The following TMEM132D variants were observed in gnomAD, a reference collection of about 807,000 sequenced individuals.
The protein encoded by TMEM132D is mature OL transmembrane protein.
TMEM132D carries 21 observed loss-of-function variants against 62.3 expected under a neutral mutation model. That is an observed-to-expected ratio of 0.34 (90% CI 0.24 to 0.49). The LOEUF is 0.49. Among genes scored for constraint, TMEM132D ranks in the 20% least tolerant of loss-of-function variants. TMEM132D has a pLI of 0.99. For missense variants in TMEM132D, 1,346 were observed against 1,402.8 expected, an observed-to-expected ratio of 0.96 and a Z score of 0.65; for synonymous variants, 621 against 575.6, an observed-to-expected ratio of 1.08 and a Z score of -1.13.
At chr12:129,636,903 C>A (rs1593099594) in intron 2 of TMEM132D, among the ~76,000 whole-genome samples, 1 of 152,218 alleles carries the variant, frequency 6.6e-6, no homozygotes, top group Middle Eastern at 3.4e-3. Context: ...GGACCAGTTA[C>A]ACTGGCAACC....
At chr12:129,413,454 G>A (rs901811338) in intron 3 of TMEM132D, among the ~76,000 whole-genome samples, 1 of 152,016 alleles carries the variant, frequency 6.6e-6, no homozygotes, top group Non-Finnish European at 1.5e-5. Context: ...CACAGACTTG[G>A]GTATGTCTTT....
intron 2 of TMEM132D, among the ~76,000 whole-genome samples, chr12:129,691,089 T>G (rs1202648910): frequency 6.6e-6 from 1 of 151,834 alleles, no homozygotes; most frequent in East Asian, 1.9e-4. Context: ...CAATAACATA[T>G]GAATCAAAGA....
At chr12:129,087,888 CCGGGGTGTCCTCCCT>C (rs1874678516) in intron 5 of TMEM132D, among the ~76,000 whole-genome samples, 1 of 128,364 alleles carries the variant, frequency 7.8e-6, no homozygotes, top group African/African-American at 3.1e-5. Flanking sequence ...TCCTCCCTGA[CCGGGGTGTCCTCCCT>C]GACCGGGGTG....
intron 4 of TMEM132D, among the ~76,000 whole-genome samples, chr12:129,287,039 C>T (rs143254600): frequency 0.036 from 5,083 of 141,968 alleles, 136 homozygotes; most frequent in Non-Finnish European, 0.056. Flanking sequence ...CAGAGTGAGA[C>T]TCTGTCAAAA....
Position 129,713,726 on chromosome 12 carries a change from G to A in TMEM132D, c.80-13028C>T, listed in dbSNP as rs142009277. Among the ~76,000 whole-genome samples, 560 of 152,290 alleles carry A rather than the reference G, an allele frequency of 3.7e-3. 1 individual carries two copies. Among genetic ancestry groups the A allele is most frequent in the Admixed American group, 8.0e-3 (122 of 15,290 alleles). ...CAAACACAGAGACAAAAACCTTCTG[G>A]TCTCCACTGAGTTCAGTGCTTCTCC... On this transcript the variant is annotated intron_variant, in intron 1 of 8. Coordinates refer to ENST00000422113, the MANE Select transcript of TMEM132D (RefSeq NM_133448.3).
chr12:129,771,018 C>A (rs1287910819), intron 1 of TMEM132D, among the ~76,000 whole-genome samples: 1 of 152,104 alleles, frequency 6.6e-6, no homozygotes, highest in Non-Finnish European at 1.5e-5. Context: ...AGGACATGAC[C>A]CCTTCTTGCC....
At chr12:129,653,205 G>A (rs1010188730) in intron 2 of TMEM132D, among the ~76,000 whole-genome samples, 1 of 152,106 alleles carries the variant, frequency 6.6e-6, no homozygotes, top group Non-Finnish European at 1.5e-5. Context: ...AGGATGAGGA[G>A]GGGCTGCATG....
Position 129,740,582 on chromosome 12 carries a change from A to T in TMEM132D, c.80-39884T>A, listed in dbSNP as rs559884072. ...TATCTTTAATATTCTTGCACAAACTAGTTCTACTGATTGAAACCTAATCAT... is the reference window on the plus strand; with the variant it reads ...TATCTTTAATATTCTTGCACAAACTTGTTCTACTGATTGAAACCTAATCAT... On this transcript the variant is annotated intron_variant, in intron 1 of 8. Coordinates refer to ENST00000422113, the MANE Select transcript of TMEM132D (RefSeq NM_133448.3). Among the ~76,000 whole-genome samples, 11 of 152,326 alleles carry T rather than the reference A, an allele frequency of 7.2e-5. No homozygotes were observed. In the South Asian group the frequency reaches 2.3e-3, roughly 32 times the overall value.
At chr12:129,889,774 A>G (rs957042930) in intron 1 of TMEM132D, among the ~76,000 whole-genome samples, 1 of 152,190 alleles carries the variant, frequency 6.6e-6, no homozygotes, top group African/African-American at 2.4e-5. Context: ...GGATGACAAA[A>G]AAAGGAACAG....
intron 8 of TMEM132D, among the ~76,000 whole-genome samples, chr12:129,076,235 T>G (rs1271469474): frequency 6.6e-6 from 1 of 152,194 alleles, no homozygotes. Context: ...ATGGCATTTA[T>G]CCATAGGAAG....
chr12:129,480,937 C>T (rs375254696), intron 3 of TMEM132D, among the ~76,000 whole-genome samples: 7 of 152,204 alleles, frequency 4.6e-5, no homozygotes, highest in East Asian at 3.9e-4. Flanking sequence ...GGAGACAACC[C>T]GGACCCCTTT....
In TMEM132D at chr12:129,371,342, TATA is replaced by T. The variant is rs1394802858; in HGVS notation, c.1116-33528_1116-33526del. Reference sequence around the variant, plus strand: ...TGGTGGTGATAACGATGGTGATGATTATAATGATGGTGACAATAATGATGTGAT... The same window carrying T: ...TGGTGGTGATAACGATGGTGATGATTATGATGGTGACAATAATGATGTGAT... On this transcript the variant is annotated intron_variant, in intron 3 of 8. Coordinates refer to ENST00000422113, the MANE Select transcript of TMEM132D (RefSeq NM_133448.3). The surrounding 1 kb of genome is among the most constrained non-coding windows in gnomAD (Gnocchi z 4.3). Among the ~76,000 whole-genome samples, 1 of 150,756 alleles carries T rather than the reference TATA, an allele frequency of 6.6e-6. No individual in the cohort carries two copies. Among genetic ancestry groups the T allele is most frequent in the Non-Finnish European group, 1.5e-5 (1 of 67,706 alleles).
intron 1 of TMEM132D, among the ~76,000 whole-genome samples, chr12:129,776,023 C>G (rs1870910790): frequency 6.6e-6 from 1 of 151,970 alleles, no homozygotes; most frequent in Admixed American, 6.6e-5. Context: ...GATTCAGCAA[C>G]TCATGAGCCT....
intron 2 of TMEM132D, among the ~76,000 whole-genome samples, chr12:129,694,597 A>G (rs1881150794): frequency 6.6e-6 from 1 of 152,254 alleles, no homozygotes; most frequent in African/African-American, 2.4e-5. Flanking sequence ...TCAACCAGTC[A>G]TAGACTGCTG....
At chr12:129,526,935 G>A (rs1054468626) in intron 3 of TMEM132D, among the ~76,000 whole-genome samples, 1 of 152,172 alleles carries the variant, frequency 6.6e-6, no homozygotes, top group Admixed American at 6.5e-5. Context: ...CATTCCAGCT[G>A]TGGCCAGCCT....
intron 4 of TMEM132D, among the ~76,000 whole-genome samples, chr12:129,284,528 T>C (rs958651168): frequency 7.9e-5 from 12 of 152,244 alleles, no homozygotes; most frequent in African/African-American, 2.4e-4. Context: ...GAATGGAATA[T>C]GGATTCGTAT....
At chr12:129,893,208 T>C (rs1874987134) in intron 1 of TMEM132D, among the ~76,000 whole-genome samples, 1 of 152,172 alleles carries the variant, frequency 6.6e-6, no homozygotes, top group African/African-American at 2.4e-5. Flanking sequence ...GGGCTAGTTA[T>C]TTCAGATTCC....
Position 129,074,799 on chromosome 12 carries a change from G to A in TMEM132D, c.2376C>T (p.Asn792=), listed in dbSNP as rs778310429. 7 of 1,614,030 alleles carry A rather than the reference G, an allele frequency of 4.3e-6. No individual in the cohort carries two copies. In the South Asian group the frequency reaches 6.6e-5, roughly 15 times the overall value. The part of the protein sequence containing the change: ...RKSVLAVGTA[N]IKVKFGQNDA... ...CGTTTTGGCCAAATTTAACTTTGAT[G>A]TTTGCCGTTCCAACAGCTAACACAC... The change falls in exon 9 of 9, where the codon AAC becomes AAT. Residue 792 remains asparagine, a synonymous_variant. Transcript: ENST00000422113.
intron 3 of TMEM132D, among the ~76,000 whole-genome samples, chr12:129,344,836 A>G (rs531292037): frequency 4.6e-5 from 7 of 152,068 alleles, no homozygotes; most frequent in Admixed American, 1.3e-4. Flanking sequence ...GTCTGCTTGC[A>G]AAACATTGGG....
Sources: gnomAD v4.1 joint callset for allele counts (sites outside exome capture counted in the v4.1 genomes callset) on GRCh38, gnomAD v4.1.1 for gene constraint, Gnocchi (gnomAD v3.1) non-coding constraint, MANE v1.5 for transcripts, NCBI Gene and HGNC (gene_info 2026-07-23, HGNC 2026-07-21) for gene names.